The following SPIDR variants were observed in gnomAD, a reference collection of about 807,000 sequenced individuals.
SPIDR encodes the protein DNA repair-scaffolding protein.
SPIDR carries 93 observed loss-of-function variants against 104.6 expected under a neutral mutation model. The observed-to-expected ratio is 0.89, with a 90% confidence interval of 0.75 to 1.06. SPIDR has a LOEUF of 1.06. Ranked by LOEUF, SPIDR falls within the 50% of genes least tolerant of loss-of-function variation. The pLI, the probability that SPIDR is intolerant of heterozygous loss-of-function variation, is 0.00. For missense variants in SPIDR, 1,154 were observed against 1,111.2 expected (o/e 1.04, Z -0.55); for synonymous variants, 431 against 416.9 (o/e 1.03, Z -0.41).
intron 10 of SPIDR, among the ~76,000 whole-genome samples, chr8:47,609,207 G>T (rs1164182689): frequency 6.6e-6 from 1 of 151,950 alleles, no homozygotes; most frequent in Non-Finnish European, 1.5e-5. Context: ...TCACTTTTTT[G>T]ATAGTGTCCT....
At chr8:47,268,202 G>A (rs2034493461) in intron 1 of SPIDR, among the ~76,000 whole-genome samples, 1 of 152,158 alleles carries the variant, frequency 6.6e-6, no homozygotes, top group African/African-American at 2.4e-5. Flanking sequence ...TGATCTCCAT[G>A]TCTGCCTTTA....
intron 7 of SPIDR, 84 bp from the exon 8 acceptor site, chr8:47,440,239 T>G: frequency 8.1e-7 from 1 of 1,240,110 alleles, no homozygotes; most frequent in Non-Finnish European, 1.1e-6. Flanking sequence ...TGCATGTGGA[T>G]CTTTTTTTCA....
At chr8:47,375,329 C>T (rs1323401850) in intron 5 of SPIDR, among the ~76,000 whole-genome samples, 1 of 146,524 alleles carries the variant, frequency 6.8e-6, no homozygotes, top group Non-Finnish European at 1.5e-5. Context: ...ACAACCTCCA[C>T]CTCCCAGCTT....
At chr8:47,495,576 G>A (rs778093523) in intron 8 of SPIDR, among the ~76,000 whole-genome samples, 11 of 151,644 alleles carry the variant, frequency 7.3e-5, no homozygotes, top group Non-Finnish European at 1.2e-4. Context: ...TTTTTGTCAC[G>A]TGTCCTTTTG....
intron 8 of SPIDR, among the ~76,000 whole-genome samples, chr8:47,579,262 G>A (rs1200637006): frequency 2.0e-5 from 3 of 152,184 alleles, no homozygotes; most frequent in Non-Finnish European, 2.9e-5. Context: ...TGTGAATTTA[G>A]CACTGAAAGT....
chr8:47,475,762 A>T (rs1195707479), intron 8 of SPIDR, among the ~76,000 whole-genome samples: 1 of 152,244 alleles, frequency 6.6e-6, no homozygotes, highest in Non-Finnish European at 1.5e-5. Flanking sequence ...CAAAAAGATA[A>T]GAAGTAAATG....
At chr8:47,368,343 C>CAAAAAAAAAAAAAAAAAA (rs34106189) in intron 5 of SPIDR, among the ~76,000 whole-genome samples, 1 of 49,420 alleles carries the variant, frequency 2.0e-5, no homozygotes, top group Non-Finnish European at 3.2e-5. Context: ...GTTGAGAAGT[C>CAAAAAAAAAAAAAAAAAA]AAAAAAAAAA....
chr8:47,723,013 T>TTTG (rs1290861449), intron 16 of SPIDR, among the ~76,000 whole-genome samples: 1 of 151,956 alleles, frequency 6.6e-6, no homozygotes, highest in African/African-American at 2.4e-5. Context: ...CCAGTTAATT[T>TTTG]TTGTTGTTGT....
At chr8:47,553,946 T>C (rs1018613058) in intron 8 of SPIDR, among the ~76,000 whole-genome samples, 1 of 152,252 alleles carries the variant, frequency 6.6e-6, no homozygotes, top group Non-Finnish European at 1.5e-5. Flanking sequence ...ATGTCCTTCC[T>C]GTTTGTTTGT....
chr8:47,458,007 A>G (rs1369460884), intron 8 of SPIDR, among the ~76,000 whole-genome samples: 1 of 152,104 alleles, frequency 6.6e-6, no homozygotes, highest in African/African-American at 2.4e-5. Flanking sequence ...CTTATAGTCT[A>G]GTTTGAAATC....
chr8:47,587,270 A>G (rs1181071366), intron 8 of SPIDR, among the ~76,000 whole-genome samples: 1 of 152,128 alleles, frequency 6.6e-6, no homozygotes, highest in Non-Finnish European at 1.5e-5. Context: ...TTTTCTGCCT[A>G]TGATTATCCA....
intron 8 of SPIDR, among the ~76,000 whole-genome samples, chr8:47,445,012 T>G (rs1345519926): frequency 2.0e-5 from 3 of 152,220 alleles, no homozygotes; most frequent in African/African-American, 7.2e-5. Context: ...ATGTGTTTCG[T>G]TTTTGCTGTT....
intron 8 of SPIDR, among the ~76,000 whole-genome samples, chr8:47,521,396 G>C (rs1407171282): frequency 6.6e-6 from 1 of 151,750 alleles, no homozygotes; most frequent in Non-Finnish European, 1.5e-5. Flanking sequence ...CTACATGGAA[G>C]ATACCAGAAA....
At chr8:47,419,534 A>G (rs782530685) in intron 7 of SPIDR, among the ~76,000 whole-genome samples, 30 of 152,006 alleles carry the variant, frequency 2.0e-4, no homozygotes, top group Non-Finnish European at 3.7e-4. Flanking sequence ...TCTTGCTAGT[A>G]GTCTATCAAT....
chr8:47,408,903 C>G (rs541839451), intron 7 of SPIDR, among the ~76,000 whole-genome samples: 1 of 152,114 alleles, frequency 6.6e-6, no homozygotes, highest in African/African-American at 2.4e-5. Context: ...GAATGAAATT[C>G]GGGACCGGGC....
intron 8 of SPIDR, among the ~76,000 whole-genome samples, chr8:47,561,864 T>C (rs2057128010): frequency 6.6e-6 from 1 of 152,254 alleles, no homozygotes; most frequent in Non-Finnish European, 1.5e-5. Flanking sequence ...GAAGTGGTTT[T>C]GAAATAATAC....
chr8:47,413,530 T>C (rs782113762), intron 7 of SPIDR, among the ~76,000 whole-genome samples: 1 of 152,272 alleles, frequency 6.6e-6, no homozygotes, highest in Non-Finnish European at 1.5e-5. Flanking sequence ...AATTGGACTT[T>C]GCATGTTTAG....
At chr8:47,484,348 G>T (rs935767812) in intron 8 of SPIDR, among the ~76,000 whole-genome samples, 2 of 152,248 alleles carry the variant, frequency 1.3e-5, no homozygotes, top group Non-Finnish European at 2.9e-5. Context: ...CGCATCTGCT[G>T]TGAATTTGTT....
At chr8:47,695,099 C>G (rs1231894001) in intron 11 of SPIDR, among the ~76,000 whole-genome samples, 2 of 151,958 alleles carry the variant, frequency 1.3e-5, no homozygotes. Flanking sequence ...CATCATGGGC[C>G]TCTAGAAAAC....
Sources: allele counts gnomAD v4.1 joint callset (sites outside exome capture counted in the v4.1 genomes callset), GRCh38; gene constraint gnomAD v4.1.1; transcripts MANE v1.5; gene names NCBI Gene and HGNC (gene_info 2026-07-23, HGNC 2026-07-21).